RILPL2: variants seen among roughly 807,000 people sequenced by gnomAD.
RILPL2 encodes the protein RILP-like protein 2.
Under a neutral mutation model 22.2 loss-of-function variants are expected in RILPL2, and 19 were observed. The observed-to-expected ratio is 0.86, with a 90% confidence interval of 0.60 to 1.25. The LOEUF is 1.25. Ranked by LOEUF, RILPL2 falls within the 50% of genes most tolerant of loss-of-function variation. The probability of loss-of-function intolerance (pLI) is 0.00; values close to 1 mark genes in which losing one functional copy is unlikely to be tolerated. For synonymous variants in RILPL2, 123 were observed against 111.6 expected (o/e 1.10, Z -0.64); for missense variants, 243 against 263.6 (o/e 0.92, Z 0.54).
At chr12:123,434,047 C>T (rs1262972202) in intron 1 of RILPL2, among the ~76,000 whole-genome samples, 1 of 152,144 alleles carries the variant, frequency 6.6e-6, no homozygotes, top group Non-Finnish European at 1.5e-5. Flanking sequence ...CCACTTACAG[C>T]AGCTTTTTTG....
chr12:123,415,832 G>T lies in RILPL2; in HGVS notation c.*59C>A. 1 of 1,565,996 alleles carries T rather than the reference G, an allele frequency of 6.4e-7. No homozygotes were observed. Among genetic ancestry groups the T allele is most frequent in the Non-Finnish European group, 8.8e-7 (1 of 1,136,030 alleles). On this transcript the variant is annotated 3_prime_UTR_variant, in exon 4 of 4. Coordinates refer to ENST00000280571, the MANE Select transcript of RILPL2 (RefSeq NM_145058.3). ...GTGGCACAGGGAGGTGGTTTTGCCAGGCATCTTGGAAGGTTGTCTTCTAGA... is the reference window on the plus strand; with the variant it reads ...GTGGCACAGGGAGGTGGTTTTGCCATGCATCTTGGAAGGTTGTCTTCTAGA...
chr12:123,431,626 A>G (rs891184334), intron 1 of RILPL2, among the ~76,000 whole-genome samples: 1 of 151,992 alleles, frequency 6.6e-6, no homozygotes, highest in African/African-American at 2.4e-5. Flanking sequence ...GACAGAGACC[A>G]TCCTGGCTAA....
chr12:123,431,506 T>C (rs964957140), intron 1 of RILPL2, among the ~76,000 whole-genome samples: 2 of 152,086 alleles, frequency 1.3e-5, no homozygotes, highest in Non-Finnish European at 2.9e-5. Flanking sequence ...TGAATGGACA[T>C]GCAGCTGAAC....
At position 123,436,343 on chromosome 12, in the gene RILPL2, C is replaced by A. The variant is rs542002619; in HGVS notation, c.78G>T (p.Glu26Asp). The change falls in exon 1 of 4, where the codon GAG (glutamate) becomes GAT (aspartate). Residue 26 changes from glutamate to aspartate, a missense_variant. Physicochemically the swap from Glu to Asp is conservative, Grantham distance 45 (BLOSUM62 2). Transcript: ENST00000280571. The surrounding 1 kb of genome is among the most constrained non-coding windows in gnomAD (Gnocchi z 6.7). Reference protein sequence around the residue: ...EDEERDEVGPEGALGKSPFQL... With the variant: ...EDEERDEVGPDGALGKSPFQL... ...GGAAGGGGCTCTTGCCCAGCGCCCC[C>A]TCGGGCCCAACCTCGTCCCTCTCCT... is the stretch of plus-strand genomic sequence containing the variant. 5 of 1,564,378 alleles carry A rather than the reference C, an allele frequency of 3.2e-6. No homozygotes were observed. In the South Asian group the frequency reaches 5.9e-5, roughly 18 times the overall value.
Position 123,415,581 on chromosome 12 carries a change from G to A in RILPL2, c.*310C>T, listed in dbSNP as rs1879093792. On this transcript the variant is annotated 3_prime_UTR_variant, in exon 4 of 4. Transcript: ENST00000280571. ...GTGGGAGCAGATGAGTAGGACACGC[G>A]TCTGCACGCTGGAGGCCCTGGGGGT... The A allele has an allele frequency of 6.3e-6, 3 of 474,660 alleles. No individual in the cohort carries two copies. The highest frequency in any genetic ancestry group is 5.3e-5 in the South Asian group (2 of 37,816). The allele number at this position is 474,660 out of a possible 1,614,324, so 29.4% of individuals were successfully genotyped here. A position where few individuals can be genotyped will look rare whatever the true frequency, so the allele number is the denominator to read the frequency against.
In RILPL2 at chr12:123,415,547, G is replaced by C; in HGVS notation, c.*344C>G. 3.2e-6 allele frequency: 1 copy of C among 311,858 alleles called. No individual in the cohort carries two copies. Among genetic ancestry groups the C allele is most frequent in the South Asian group, 7.7e-5 (1 of 13,068 alleles). 19.3% of individuals were successfully genotyped at this position (311,858 alleles called of 1,614,324 possible). On this transcript the variant is annotated 3_prime_UTR_variant, in exon 4 of 4. Transcript: ENST00000280571. The stretch of plus-strand genomic sequence containing the variant: ...CCCTTCTGCTAACCATTGAAGACCA[G>C]GGTCATCCGTGGGAGCAGATGAGTA...
At chr12:123,419,698 C>T (rs1343009937) in intron 3 of RILPL2, among the ~76,000 whole-genome samples, 3 of 150,328 alleles carry the variant, frequency 2.0e-5, no homozygotes, top group Admixed American at 6.6e-5. Flanking sequence ...ATCCTCCTCC[C>T]AGGTTCAAGT....
chr12:123,430,763 C>T, intron 1 of RILPL2, 104 bp from the exon 2 acceptor site: 1 of 924,828 alleles, frequency 1.1e-6, no homozygotes. Flanking sequence ...GCTGGAGTGC[C>T]ATGGCACAAT....
intron 2 of RILPL2, among the ~76,000 whole-genome samples, chr12:123,430,302 G>C (rs886344842): frequency 9.9e-5 from 15 of 151,592 alleles, no homozygotes; most frequent in African/African-American, 1.5e-4. Flanking sequence ...CCAGCTACTC[G>C]GGAGGCTGAG....
At position 123,436,641 on chromosome 12, in the gene RILPL2, G is replaced by A. The variant is rs1398677880; in HGVS notation, c.-221C>T. ...CCCGCTGCCAGCCACGCTGGAGAGTGCGCTCCAGGATGTGGTTTGGGGCGC... is the reference window on the plus strand; with the variant it reads ...CCCGCTGCCAGCCACGCTGGAGAGTACGCTCCAGGATGTGGTTTGGGGCGC... On this transcript the variant is annotated 5_prime_UTR_variant, in exon 1 of 4. Coordinates refer to ENST00000280571, the MANE Select transcript of RILPL2 (RefSeq NM_145058.3). This position sits in a 1 kb window ranked among gnomAD's most constrained non-coding sequence, Gnocchi z 6.7. The A allele has an allele frequency of 4.2e-6, 3 of 717,852 alleles. No homozygotes were observed. The highest frequency in any genetic ancestry group is 4.5e-6 in the Non-Finnish European group (2 of 448,724). The allele number at this position is 717,852 out of a possible 1,614,324, so 44.5% of individuals were successfully genotyped here. A position where few individuals can be genotyped will look rare whatever the true frequency, so the allele number is the denominator to read the frequency against.
intron 3 of RILPL2, among the ~76,000 whole-genome samples, chr12:123,418,760 T>TC (rs1050275679): frequency 4.8e-4 from 68 of 141,676 alleles, no homozygotes; most frequent in East Asian, 2.6e-3. Context: ...TTCTTTCTTT[T>TC]TTTTTTTTTT....
At position 123,436,436 on chromosome 12, in the gene RILPL2, CG is replaced by C; in HGVS notation, c.-17del. 6.5e-7 allele frequency: 1 copy of C among 1,542,604 alleles called. No individual in the cohort carries two copies. On this transcript the variant is annotated 5_prime_UTR_variant, in exon 1 of 4. Transcript: ENST00000280571. The surrounding 1 kb of genome is among the most constrained non-coding windows in gnomAD (Gnocchi z 6.7). ...GCTCCTCCATGGCCACCCAGACCCC[CG>C]CCGACCTCGGAGCTGCTGTCTTGGA...
At chr12:123,417,204 T>A (rs1018608396) in intron 3 of RILPL2, among the ~76,000 whole-genome samples, 1 of 149,440 alleles carries the variant, frequency 6.7e-6, no homozygotes. Context: ...GAGGCTGAGG[T>A]GGGAGGATCG....
At chr12:123,419,606 C>CTTTTTTT (rs11361281) in intron 3 of RILPL2, among the ~76,000 whole-genome samples, 1 of 130,358 alleles carries the variant, frequency 7.7e-6, no homozygotes. Flanking sequence ...TCCCTTTTTT[C>CTTTTTTT]TTTTTTTTTT....
chr12:123,427,344 C>T (rs992169696), intron 2 of RILPL2, among the ~76,000 whole-genome samples: 12 of 152,106 alleles, frequency 7.9e-5, no homozygotes, highest in African/African-American at 2.7e-4. Context: ...ACCAACTTAA[C>T]CCCAGAGGCC....
At position 123,430,544 on chromosome 12, in the gene RILPL2, A is replaced by T; in HGVS notation, c.455T>A (p.Leu152His). The T allele has an allele frequency of 6.2e-7, 1 of 1,609,356 alleles. No individual in the cohort carries two copies. Among genetic ancestry groups the T allele is most frequent in the Non-Finnish European group, 8.5e-7 (1 of 1,177,262 alleles). Reference sequence around the variant, plus strand: ...CTGCAGCTCTTCCTGCACCACCAGGAGCTGCGACTTGAGTTTGTTGCGTTC... The same window carrying T: ...CTGCAGCTCTTCCTGCACCACCAGGTGCTGCGACTTGAGTTTGTTGCGTTC... The part of the protein sequence containing the change: ...LQERNKLKSQ[L>H]LVVQEELQCY... Residue 152 changes from leucine to histidine, a missense_variant, in exon 2 of 4, where the codon CTC becomes CAC. Coordinates refer to ENST00000280571, the MANE Select transcript of RILPL2 (RefSeq NM_145058.3).
intron 2 of RILPL2, among the ~76,000 whole-genome samples, chr12:123,425,256 A>T (rs1020688070): frequency 6.6e-6 from 1 of 151,690 alleles, no homozygotes; most frequent in Admixed American, 6.6e-5. Context: ...AACTTGCTGC[A>T]ACCTCCGTTT....
rs573233802 is a variant in RILPL2 at position 123,416,268 on chromosome 12, G to A, written c.606-347C>T. ...GAACCCGGGACGCAGAGGTTGCAGTGAGCCGAGATTGCGCCACTGCACTCC... is the reference window on the plus strand; with the variant it reads ...GAACCCGGGACGCAGAGGTTGCAGTAAGCCGAGATTGCGCCACTGCACTCC... On this transcript the variant is annotated intron_variant, in intron 3 of 3. Coordinates refer to ENST00000280571, the MANE Select transcript of RILPL2 (RefSeq NM_145058.3). Among the ~76,000 whole-genome samples, 16 of 152,162 alleles carry A rather than the reference G, an allele frequency of 1.1e-4. No individual in the cohort carries two copies. In the East Asian group the frequency reaches 2.9e-3, roughly 27 times the overall value.
chr12:123,420,993 T>C (rs1179464231), intron 3 of RILPL2, among the ~76,000 whole-genome samples: 1 of 152,000 alleles, frequency 6.6e-6, no homozygotes, highest in Non-Finnish European at 1.5e-5. Context: ...TTTACTCAGC[T>C]CAGTGTCTGG....
Sources: allele counts gnomAD v4.1 joint callset (sites outside exome capture counted in the v4.1 genomes callset), GRCh38; gene constraint gnomAD v4.1.1; non-coding constraint Gnocchi (gnomAD v3.1); transcripts MANE v1.5; gene names NCBI Gene and HGNC (gene_info 2026-07-23, HGNC 2026-07-21).